CNTNAP2: variants seen among roughly 807,000 people sequenced by gnomAD.
The protein encoded by CNTNAP2 is contactin-associated protein-like 2.
In CNTNAP2, 98 loss-of-function variants were observed where a neutral mutation model predicts 155.2. The observed-to-expected ratio is 0.63, with a 90% CI of 0.54 to 0.75. The LOEUF (loss-of-function observed/expected upper bound fraction) is 0.75. CNTNAP2 is among the 30% of genes least tolerant of loss of function. The pLI is 0.00. For missense variants in CNTNAP2, 1,727 were observed against 1,688.1 expected, an observed-to-expected ratio of 1.02 and a Z score of -0.40; for synonymous variants, 651 against 631.2, an observed-to-expected ratio of 1.03 and a Z score of -0.47.
intron 21 of CNTNAP2, among the ~76,000 whole-genome samples, chr7:148,288,245 G>A (rs1038293708): frequency 2.6e-5 from 4 of 151,028 alleles, no homozygotes; most frequent in South Asian, 2.1e-4. Context: ...GATTACAGGC[G>A]CCCACCACCA....
intron 1 of CNTNAP2, among the ~76,000 whole-genome samples, chr7:146,545,930 T>C (rs934285792): frequency 1.3e-5 from 2 of 151,928 alleles, no homozygotes; most frequent in Admixed American, 1.3e-4. Context: ...TATGGTAATA[T>C]TGGTAAACAA....
intron 10 of CNTNAP2, among the ~76,000 whole-genome samples, chr7:147,473,004 G>C (rs1045532345): frequency 6.6e-6 from 1 of 152,200 alleles, no homozygotes; most frequent in African/African-American, 2.4e-5. Context: ...AAGGATGCCA[G>C]AACTCAGAGT....
intron 3 of CNTNAP2, among the ~76,000 whole-genome samples, chr7:146,949,756 T>C (rs940505452): frequency 6.6e-6 from 1 of 152,174 alleles, no homozygotes; most frequent in Non-Finnish European, 1.5e-5. Flanking sequence ...GTGCCATTGC[T>C]TTGATGTTGA....
At chr7:146,881,974 C>T (rs1385764286) in intron 3 of CNTNAP2, among the ~76,000 whole-genome samples, 1 of 151,968 alleles carries the variant, frequency 6.6e-6, no homozygotes, top group Non-Finnish European at 1.5e-5. Context: ...TTCTCTCCTT[C>T]CTCTGCTGGT....
intron 13 of CNTNAP2, among the ~76,000 whole-genome samples, chr7:147,903,279 G>C (rs1799905228): frequency 6.6e-6 from 1 of 152,122 alleles, no homozygotes; most frequent in African/African-American, 2.4e-5. Flanking sequence ...ATCTTATTTT[G>C]AGGATTTTCT....
chr7:148,371,262 A>C (rs530839320), intron 21 of CNTNAP2, among the ~76,000 whole-genome samples: 2 of 152,300 alleles, frequency 1.3e-5, no homozygotes, highest in South Asian at 2.1e-4. Context: ...GGAGGGGGAG[A>C]GGAGGCTACG....
chr7:147,737,895 C>A (rs781737709), intron 13 of CNTNAP2, among the ~76,000 whole-genome samples: 2 of 152,168 alleles, frequency 1.3e-5, no homozygotes, highest in Non-Finnish European at 2.9e-5. Flanking sequence ...GGGAGTGACC[C>A]GATTTTCCAG....
chr7:146,935,593 A>C (rs1796897755), intron 3 of CNTNAP2, among the ~76,000 whole-genome samples: 2 of 152,228 alleles, frequency 1.3e-5, no homozygotes, highest in Non-Finnish European at 1.5e-5. Flanking sequence ...CCCTCATGAT[A>C]AGCTGTCTAG....
intron 11 of CNTNAP2, among the ~76,000 whole-genome samples, chr7:147,532,871 C>G (rs1044321349): frequency 1.3e-5 from 2 of 152,160 alleles, no homozygotes; most frequent in Admixed American, 6.5e-5. Flanking sequence ...ATTACCTCCC[C>G]CTGAGTTCCT....
intron 13 of CNTNAP2, among the ~76,000 whole-genome samples, chr7:147,842,663 A>G (rs1798771626): frequency 9.6e-6 from 1 of 104,458 alleles, no homozygotes; most frequent in African/African-American, 3.8e-5. Context: ...ACATATGTAT[A>G]CATGTGCCAT....
intron 16 of CNTNAP2, among the ~76,000 whole-genome samples, chr7:148,141,807 G>A (rs866854057): frequency 3.3e-5 from 5 of 152,202 alleles, no homozygotes; most frequent in African/African-American, 9.6e-5. Flanking sequence ...TGACTTGTGA[G>A]CAGAGAAGTA....
intron 3 of CNTNAP2, among the ~76,000 whole-genome samples, chr7:146,975,262 C>T (rs546820201): frequency 5.3e-5 from 8 of 151,542 alleles, no homozygotes; most frequent in African/African-American, 1.2e-4. Context: ...GTCAGGAGTT[C>T]GAGACCACCC....
At chr7:147,738,483 A>G (rs777730884) in intron 13 of CNTNAP2, among the ~76,000 whole-genome samples, 91 of 152,190 alleles carry the variant, frequency 6.0e-4, no homozygotes, top group Non-Finnish European at 1.2e-3. Flanking sequence ...GAAGTCATCA[A>G]AATAGAGGCA....
intron 1 of CNTNAP2, among the ~76,000 whole-genome samples, chr7:146,495,621 G>A (rs939486925): frequency 6.8e-6 from 1 of 147,954 alleles, no homozygotes; most frequent in East Asian, 2.0e-4. Context: ...CTTTTGTATA[G>A]TGAGTATTTT....
rs1202746312 is a variant in CNTNAP2 at position 146,648,865 on chromosome 7, CAGAGG to C, written c.98-125401_98-125397del. ...GAAGAATAGGAATGACTCAAATCAA[CAGAGG>C]AGAGAAGTGGCTGATTACCATACTT... On this transcript the variant is annotated intron_variant, in intron 1 of 23. Coordinates refer to ENST00000361727, the MANE Select transcript of CNTNAP2 (RefSeq NM_014141.6). Among the ~76,000 whole-genome samples the C allele has an allele frequency of 5.9e-5, 9 of 152,114 alleles. No homozygotes were observed. The South Asian group carries it at 8.3e-4, about 14-fold the overall frequency.
At chr7:147,735,637 T>C (rs1024791772) in intron 13 of CNTNAP2, among the ~76,000 whole-genome samples, 5 of 152,166 alleles carry the variant, frequency 3.3e-5, no homozygotes, top group Non-Finnish European at 7.4e-5. Context: ...AAGTCTCCCA[T>C]TATTATTGTG....
At chr7:146,505,673 C>G (rs79885269) in intron 1 of CNTNAP2, among the ~76,000 whole-genome samples, 10,052 of 152,282 alleles carry the variant, frequency 0.066, 827 homozygotes, top group African/African-American at 0.19. Context: ...AACCATACGT[C>G]ATGGTGGACT....
intron 10 of CNTNAP2, among the ~76,000 whole-genome samples, chr7:147,417,251 A>G (rs1797209499): frequency 6.6e-6 from 1 of 152,182 alleles, no homozygotes; most frequent in Admixed American, 6.5e-5. Flanking sequence ...ACCATAGACT[A>G]GCTCATAAAC....
intron 3 of CNTNAP2, among the ~76,000 whole-genome samples, chr7:146,999,137 G>T (rs1344217275): frequency 6.0e-5 from 9 of 150,180 alleles, no homozygotes; most frequent in African/African-American, 2.2e-4. Flanking sequence ...TTTTCTGTTA[G>T]CGTATCTGTT....
Sources: allele counts gnomAD v4.1 joint callset (sites outside exome capture counted in the v4.1 genomes callset), GRCh38; gene constraint gnomAD v4.1.1; transcripts MANE v1.5; gene names NCBI Gene and HGNC (gene_info 2026-07-23, HGNC 2026-07-21).